Variants in AMZ1 observed in about 807,000 individuals in gnomAD.
AMZ1 encodes archaelysin family metallopeptidase 1, also known as archaemetzincin-1.
A neutral mutation model predicts 29.9 loss-of-function variants in AMZ1; 39 were observed. The ratio of observed to expected loss-of-function variants is 1.30; its 90% CI spans 1.01 to 1.70. The LOEUF is 1.70. Ranked by LOEUF, AMZ1 falls within the 40% of genes most tolerant of loss-of-function variation. The probability of loss-of-function intolerance (pLI) is 0.00; values close to 1 mark genes in which losing one functional copy is unlikely to be tolerated. For synonymous variants in AMZ1, 458 were observed against 304.0 expected, an observed-to-expected ratio of 1.51 and a Z score of -5.27; for missense variants, 1,041 against 680.6, an observed-to-expected ratio of 1.53 and a Z score of -5.89.
upstream of AMZ1, chr7:2,762,951 G>C (rs182995810): frequency 1.2e-4 from 166 of 1,368,720 alleles, no homozygotes; most frequent in Middle Eastern, 2.7e-3. Context: ...CGTGGGGCCC[G>C]TGCCAGGGTC....
Position 2,707,421 on chromosome 7 carries a change from C to T in AMZ1, c.473-1167C>T, listed in dbSNP as rs138810876. Reference sequence around the variant, plus strand: ...TTCTCTACACTAACTCTGAGACCCTCTCCGGGTTTCCTGGGCCCGTGGTGG... The same window carrying T: ...TTCTCTACACTAACTCTGAGACCCTTTCCGGGTTTCCTGGGCCCGTGGTGG... On this transcript the variant is annotated intron_variant, in intron 3 of 6. Transcript: ENST00000683327. Among the ~76,000 whole-genome samples, 59 of 152,290 alleles carry T rather than the reference C, an allele frequency of 3.9e-4. No homozygotes were observed. The East Asian group carries it at 9.8e-3, about 25-fold the overall frequency.
In AMZ1 at chr7:2,700,353, G is replaced by T; in HGVS notation, c.-99G>T. The T allele has an allele frequency of 8.6e-6, 12 of 1,402,480 alleles. No homozygotes were observed. The highest frequency in any genetic ancestry group is 1.2e-5 in the Non-Finnish European group (12 of 1,043,202). The allele number at this position is 1,402,480 out of a possible 1,614,324, so 86.9% of individuals were successfully genotyped here. A position where few individuals can be genotyped will look rare whatever the true frequency, so the allele number is the denominator to read the frequency against. ...GAGCCCCCGGTAGCCACTCGGATCA[G>T]CCCGAGGGAAGATTCTGGACGAGAC... On this transcript the variant is annotated 5_prime_UTR_variant, in exon 2 of 7. Coordinates refer to ENST00000683327, the MANE Select transcript of AMZ1 (RefSeq NM_001384743.1).
In AMZ1 at chr7:2,717,719, G is replaced by A. The variant is rs535919783; in HGVS notation, c.*4841G>A. On this transcript the variant is annotated 3_prime_UTR_variant, in exon 7 of 7. Transcript: ENST00000683327. ...ACAGATGCAGATCGCGGGTGGAGAC[G>A]GCCGGCCGAGCCTTCCCTTTTCTGA... 1.3e-5 allele frequency among the ~76,000 whole-genome samples: 2 copies of A among 152,148 alleles called. No homozygotes were observed. Among genetic ancestry groups the A allele is most frequent in the Non-Finnish European group, 2.9e-5 (2 of 68,032 alleles).
In AMZ1 at chr7:2,714,910, C is replaced by A. The variant is rs1221660233; in HGVS notation, c.*2032C>A. On this transcript the variant is annotated 3_prime_UTR_variant, in exon 7 of 7. Coordinates refer to ENST00000683327, the MANE Select transcript of AMZ1 (RefSeq NM_001384743.1). ...CCCAGTCCCGGAAAATGCAAAGGGA[C>A]AAGTATGTGTTGATTTCAGAGAAGC... 1 of 152,280 alleles carries A rather than the reference C, an allele frequency of 6.6e-6. No homozygotes were observed. The highest frequency in any genetic ancestry group is 1.5e-5 in the Non-Finnish European group (1 of 68,038). 9.4% of individuals were successfully genotyped at this position (152,280 alleles called of 1,614,324 possible).
chr7:2,731,517 C>T lies in AMZ1; in HGVS notation n.550+21701C>T, dbSNP rs1167354847. 6.8e-6 allele frequency: 11 copies of T among 1,612,656 alleles called. No individual in the cohort carries two copies. Among genetic ancestry groups the T allele is most frequent in the Admixed American group, 5.0e-5 (3 of 59,914 alleles). On this transcript the variant is annotated intron_variant and non_coding_transcript_variant, in intron 4 of 4. Coordinates refer to the AMZ1 transcript ENST00000489665. The surrounding 1 kb of genome is among the most constrained non-coding windows in gnomAD (Gnocchi z 6.0). The stretch of plus-strand genomic sequence containing the variant: ...TCTCGAAGATGTTCATGGACTCCAC[C>T]AGCCGGTTGGTGCGCCTGTCCTCCA...
At chr7:2,700,954 G>C (rs1788020142) in intron 2 of AMZ1, among the ~76,000 whole-genome samples, 199 bp downstream of exon 2, 1 of 152,216 alleles carries the variant, frequency 6.6e-6, no homozygotes, top group Non-Finnish European at 1.5e-5. Flanking sequence ...CTGACACGAT[G>C]CTCAGACGGC....
At chr7:2,739,277 C>T (rs556263148) in intron 4 of AMZ1, among the ~76,000 whole-genome samples, 89 of 152,314 alleles carry the variant, frequency 5.8e-4, no homozygotes, top group African/African-American at 8.2e-4. Flanking sequence ...GCCTATCAGC[C>T]GCCACTCCCA....
At chr7:2,711,825 T>C (rs1273486553) in intron 6 of AMZ1, among the ~76,000 whole-genome samples, 1 of 152,136 alleles carries the variant, frequency 6.6e-6, no homozygotes, top group Non-Finnish European at 1.5e-5. Flanking sequence ...GGGTGGGTCA[T>C]CTGAGGTCAG....
At position 2,713,106 on chromosome 7, in the gene AMZ1, G is replaced by C. The variant is rs1454207673; in HGVS notation, c.*228G>C. On this transcript the variant is annotated 3_prime_UTR_variant, in exon 7 of 7. Coordinates refer to ENST00000683327, the MANE Select transcript of AMZ1 (RefSeq NM_001384743.1). ...AAAATTAAAAAATTAGCTGGATGAA[G>C]TGGTTCATGCCTGTGTTCCCAGCTA... The C allele has an allele frequency of 2.4e-6, 1 of 421,798 alleles. No individual in the cohort carries two copies. The highest frequency in any genetic ancestry group is 4.1e-6 in the Non-Finnish European group (1 of 245,644). The allele number at this position is 421,798 out of a possible 1,614,324, so 26.1% of individuals were successfully genotyped here.
intron 2 of AMZ1, among the ~76,000 whole-genome samples, chr7:2,701,727 C>A (rs1369571259): frequency 3.3e-5 from 5 of 151,960 alleles, no homozygotes; most frequent in Non-Finnish European, 7.3e-5. Flanking sequence ...GGCATCTCGA[C>A]AGCAAGCCAG....
At chr7:2,721,596 G>A (rs1789423685), downstream of AMZ1, among the ~76,000 whole-genome samples, 2 of 152,050 alleles carry the variant, frequency 1.3e-5, no homozygotes, top group Non-Finnish European at 2.9e-5. Context: ...GATGCCTGTA[G>A]TCCCAGCTAT....
intron 4 of AMZ1, among the ~76,000 whole-genome samples, chr7:2,751,662 G>C (rs559527663): frequency 6.6e-6 from 1 of 152,204 alleles, no homozygotes; most frequent in Admixed American, 6.5e-5. Context: ...CAAATCTCCA[G>C]TATCAGGAAT....
chr7:2,708,539 G>C (rs765790355), intron 3 of AMZ1, 49 bp from the exon 4 acceptor site: 1 of 1,605,566 alleles, frequency 6.2e-7, no homozygotes, highest in Non-Finnish European at 8.5e-7. Flanking sequence ...CTGGAAGATG[G>C]GGGTCCCCGG....
At chr7:2,763,126 CTT>C (rs1791648057), upstream of AMZ1, 3 of 1,235,580 alleles carry the variant, frequency 2.4e-6, no homozygotes, top group Non-Finnish European at 3.0e-6. Flanking sequence ...CTTCCTCTCT[CTT>C]CTCAGAAGCA....
intron 1 of AMZ1, among the ~76,000 whole-genome samples, chr7:2,696,943 T>C (rs140934314): frequency 2.0e-5 from 3 of 152,196 alleles, no homozygotes; most frequent in Admixed American, 6.5e-5. Context: ...ACTGGTGTGA[T>C]CTTTCTGCAA....
Position 2,739,872 on chromosome 7 carries a change from C to T in AMZ1, n.551-24840C>T, listed in dbSNP as rs146679860. Among the ~76,000 whole-genome samples the T allele has an allele frequency of 7.5e-3, 1,148 of 152,178 alleles. 4 individuals are homozygous for T. Among genetic ancestry groups the T allele is most frequent in the Non-Finnish European group, 0.014 (963 of 67,998 alleles). On this transcript the variant is annotated intron_variant and non_coding_transcript_variant, in intron 4 of 4. Coordinates refer to the AMZ1 transcript ENST00000489665. Reference sequence around the variant, plus strand: ...TTTTTAGTAGAGACGGGGGTTTCACCGTGTTGGCCAGGCTGGTCTCGAACT... The same window carrying T: ...TTTTTAGTAGAGACGGGGGTTTCACTGTGTTGGCCAGGCTGGTCTCGAACT...
At chr7:2,750,839 A>C (rs1403523563) in intron 4 of AMZ1, among the ~76,000 whole-genome samples, 2 of 152,212 alleles carry the variant, frequency 1.3e-5, no homozygotes, top group Non-Finnish European at 2.9e-5. Flanking sequence ...GGATATGGCG[A>C]AAGTTTTAGA....
chr7:2,705,593 T>A (rs1788306486), intron 3 of AMZ1, among the ~76,000 whole-genome samples: 1 of 152,240 alleles, frequency 6.6e-6, no homozygotes. Context: ...TCTGCCTGTC[T>A]GGCCATCTTT....
At chr7:2,723,038 T>TA (rs562571894), downstream of AMZ1, among the ~76,000 whole-genome samples, 1,391 of 151,328 alleles carry the variant, frequency 9.2e-3, 13 homozygotes, top group African/African-American at 0.02. Context: ...GTTCACTGTG[T>TA]AAAAAAAAAG....
Sources: gnomAD v4.1 joint callset for allele counts (sites outside exome capture counted in the v4.1 genomes callset) on GRCh38, gnomAD v4.1.1 for gene constraint, Gnocchi (gnomAD v3.1) non-coding constraint, MANE v1.5 for transcripts, NCBI Gene and HGNC (gene_info 2026-07-23, HGNC 2026-07-21) for gene names.